Variants in TMEM164 observed in about 807,000 individuals in gnomAD.
The protein encoded by TMEM164 is RP13-360B22.2.
In TMEM164, 4 loss-of-function variants were observed where a neutral mutation model predicts 18.8. That is an observed-to-expected ratio of 0.21 (90% CI 0.10 to 0.49). The LOEUF is 0.49. Ranked by LOEUF, TMEM164 falls within the 20% of genes least tolerant of loss-of-function variation. The probability of loss-of-function intolerance (pLI) is 0.98; values close to 1 mark genes in which losing one functional copy is unlikely to be tolerated. For synonymous variants in TMEM164, 86 were observed against 101.7 expected, an observed-to-expected ratio of 0.85 and a Z score of 0.93; for missense variants, 108 against 239.9, an observed-to-expected ratio of 0.45 and a Z score of 3.63.
chrX:110,010,385 T>C (rs978066386), intron 2 of TMEM164, among the ~76,000 whole-genome samples: 4 of 113,210 alleles, frequency 3.5e-5, no homozygotes, highest in Non-Finnish European at 7.5e-5. Flanking sequence ...GAGAATGTCT[T>C]GTCTCACGTG....
At chrX:110,113,429 C>T (rs1227048605) in intron 4 of TMEM164, among the ~76,000 whole-genome samples, 1 of 112,324 alleles carries the variant, frequency 8.9e-6, no homozygotes, top group Non-Finnish European at 1.9e-5. Context: ...ACATGAGACA[C>T]ATGAGGATTG....
chrX:110,005,286 C>T lies in TMEM164; in HGVS notation c.390+1122C>T, dbSNP rs142106863. Among the ~76,000 whole-genome samples the T allele has an allele frequency of 7.0e-3, 788 of 111,808 alleles. 9 individuals carry two copies. Among genetic ancestry groups the T allele is most frequent in the African/African-American group, 0.023 (719 of 30,734 alleles). On this transcript the variant is annotated intron_variant, in intron 2 of 6. Transcript: ENST00000372068. ...CAGGCCTGGAGGGGTTTAGGAATGG[C>T]AGGTCATTTGCTTGCAGCCAGAAGA...
chrX:110,182,155 A>G (rs937770961), downstream of TMEM164, among the ~76,000 whole-genome samples: 1 of 111,941 alleles, frequency 8.9e-6, no homozygotes, highest in Non-Finnish European at 1.9e-5. Flanking sequence ...GGCATATTAG[A>G]GTCAATGAAA....
intron 3 of TMEM164, among the ~76,000 whole-genome samples, chrX:110,088,924 G>A (rs1424939247): frequency 8.9e-6 from 1 of 111,978 alleles, no homozygotes. Flanking sequence ...ATGGAAAGCA[G>A]TACTCAGCAG....
intron 5 of TMEM164, among the ~76,000 whole-genome samples, chrX:110,166,356 G>T (rs1166061903): frequency 8.9e-6 from 1 of 112,625 alleles, no homozygotes. Flanking sequence ...TAGTTCCCAA[G>T]AGTGGGGACC....
intron 3 of TMEM164, among the ~76,000 whole-genome samples, chrX:110,069,653 A>G (rs1183843289): frequency 9.3e-6 from 1 of 107,960 alleles, no homozygotes; most frequent in Non-Finnish European, 1.9e-5. Context: ...TACTGACCTC[A>G]AGTCATCTGC....
intron 2 of TMEM164, chrX:110,046,449 A>G (rs972134668): frequency 6.6e-6 from 5 of 753,345 alleles, no homozygotes; most frequent in Non-Finnish European, 7.8e-6. Context: ...CCACAGCAGC[A>G]TCCAGTCACA....
chrX:110,115,674 G>A (rs1426575425), intron 4 of TMEM164, among the ~76,000 whole-genome samples: 1 of 112,193 alleles, frequency 8.9e-6, no homozygotes, highest in African/African-American at 3.2e-5. Context: ...GCCATGTGCT[G>A]CAGAAGATAC....
At chrX:110,124,543 G>T (rs2066503396) in intron 4 of TMEM164, among the ~76,000 whole-genome samples, 1 of 110,875 alleles carries the variant, frequency 9.0e-6, no homozygotes, top group Non-Finnish European at 1.9e-5. Context: ...TCCCGGTACT[G>T]CATGGGTGCC....
chrX:110,141,150 T>C (rs1387062380), intron 4 of TMEM164, among the ~76,000 whole-genome samples: 1 of 111,595 alleles, frequency 9.0e-6, no homozygotes, highest in Non-Finnish European at 1.9e-5. Context: ...AGACCCTATT[T>C]CTTTAAAAAC....
At chrX:110,005,603 C>T (rs1039332787) in intron 2 of TMEM164, among the ~76,000 whole-genome samples, 44 of 112,224 alleles carry the variant, frequency 3.9e-4, no homozygotes, top group African/African-American at 1.4e-3. Flanking sequence ...GATTGGGTGG[C>T]TGTAAGCATC....
chrX:110,121,272 G>A (rs2066445828), intron 4 of TMEM164, among the ~76,000 whole-genome samples: 1 of 112,031 alleles, frequency 8.9e-6, no homozygotes, highest in African/African-American at 3.2e-5. Flanking sequence ...TCACAGAGTT[G>A]TTCAATTAGC....
chrX:110,086,367 T>C (rs1438668794), intron 3 of TMEM164, among the ~76,000 whole-genome samples: 1 of 111,379 alleles, frequency 9.0e-6, no homozygotes, highest in Non-Finnish European at 1.9e-5. Flanking sequence ...ATCTCTGTGT[T>C]TTAACTATTT....
chrX:110,068,926 A>G (rs1406470124), intron 3 of TMEM164, among the ~76,000 whole-genome samples: 1 of 112,033 alleles, frequency 8.9e-6, no homozygotes, highest in Non-Finnish European at 1.9e-5. Flanking sequence ...ACTTTAATAT[A>G]TCTTTTTCAT....
rs1192579799 is a variant in TMEM164 at position 110,174,376 on chromosome X, TC to T, written c.*931del. ...TTCCCTCTCCCCCCACCCCTCCCCC[TC>T]CCCCCTCCCTCCCTCTTTCCCTCTC... On this transcript the variant is annotated 3_prime_UTR_variant, in exon 7 of 7. Transcript: ENST00000372068. 2.0e-4 allele frequency: 3 copies of T among 14,927 alleles called. No individual in the cohort carries two copies. The highest frequency in any genetic ancestry group is 0.083 in the Middle Eastern group (1 of 12). 1.2% of individuals were successfully genotyped at this position (14,927 alleles called of 1,213,427 possible).
In TMEM164 at chrX:110,067,154, GCACA is replaced by G. The variant is rs56336159; in HGVS notation, c.391-171_391-168del. Among the ~76,000 whole-genome samples, 45 of 101,634 alleles carry G rather than the reference GCACA, an allele frequency of 4.4e-4. No homozygotes were observed. The South Asian group carries it at 9.7e-3, about 22-fold the overall frequency. 88.3% of individuals were successfully genotyped at this position (101,634 alleles called of 115,157 possible). A position where few individuals can be genotyped will look rare whatever the true frequency, so the allele number is the denominator to read the frequency against. ...CTCCTTCTCCCTTTCTCATGTGTGC[GCACA>G]CACACACACACACACACACACGCAT... On this transcript the variant is annotated intron_variant, in intron 2 of 6. Transcript: ENST00000372068.
At chrX:110,131,781 T>C (rs1484506248) in intron 4 of TMEM164, among the ~76,000 whole-genome samples, 3 of 112,348 alleles carry the variant, frequency 2.7e-5, no homozygotes, top group Non-Finnish European at 5.6e-5. Context: ...AGTCAAATAA[T>C]GTGTTCAGGA....
intron 5 of TMEM164, among the ~76,000 whole-genome samples, chrX:110,156,257 A>G (rs1010719175): frequency 1.8e-5 from 2 of 111,964 alleles, no homozygotes; most frequent in African/African-American, 6.5e-5. Context: ...AGCCAAGGGC[A>G]TGTATTCCTT....
In TMEM164 at chrX:110,175,148, C is replaced by T. The variant is rs2067276227; in HGVS notation, c.*1697C>T. On this transcript the variant is annotated 3_prime_UTR_variant, in exon 7 of 7. Transcript: ENST00000372068. ...CTTTGTTTTTGGCCCTCTTTGAAGG[C>T]AGGGCCAAACTTTTCTTAGTGCCTC... 1 of 112,746 alleles carries T rather than the reference C, an allele frequency of 8.9e-6. No homozygotes were observed. The highest frequency in any genetic ancestry group is 1.9e-5 in the Non-Finnish European group (1 of 53,265). The allele number at this position is 112,746 out of a possible 1,213,427, so 9.3% of individuals were successfully genotyped here. A position where few individuals can be genotyped will look rare whatever the true frequency, so the allele number is the denominator to read the frequency against.
Sources: allele counts gnomAD v4.1 joint callset (sites outside exome capture counted in the v4.1 genomes callset), GRCh38; gene constraint gnomAD v4.1.1; transcripts MANE v1.5; gene names NCBI Gene and HGNC (gene_info 2026-07-23, HGNC 2026-07-21).